The following IL17RE variants were observed in gnomAD, a reference collection of about 807,000 sequenced individuals.
IL17RE encodes interleukin-17 receptor E.
IL17RE carries 47 observed loss-of-function variants against 70.7 expected under a neutral mutation model. The ratio of observed to expected loss-of-function variants is 0.67; its 90% CI spans 0.53 to 0.85. The LOEUF (loss-of-function observed/expected upper bound fraction) is 0.85. IL17RE is among the 40% of genes least tolerant of loss of function. IL17RE has a pLI of 0.00. For synonymous variants in IL17RE, 372 were observed against 381.2 expected, an observed-to-expected ratio of 0.98 and a Z score of 0.28; for missense variants, 850 against 893.9, an observed-to-expected ratio of 0.95 and a Z score of 0.63.
At chr3:9,911,639 G>A (rs1430694178) in intron 12 of IL17RE, 42 bp downstream of exon 12, 2 of 1,570,974 alleles carry the variant, frequency 1.3e-6, no homozygotes, top group East Asian at 2.3e-5. Flanking sequence ...TCAGAGCACA[G>A]CCCTCAATTT....
chr3:9,904,222 G>A, intron 3 of IL17RE, 71 bp downstream of exon 3: 2 of 1,564,506 alleles, frequency 1.3e-6, no homozygotes, highest in East Asian at 2.3e-5. Context: ...GGCTGAGCAA[G>A]TGGGACTTAC....
Position 9,902,891 on chromosome 3 carries a change from C to T in IL17RE, c.-42C>T. 1 of 1,614,052 alleles carries T rather than the reference C, an allele frequency of 6.2e-7. No homozygotes were observed. The highest frequency in any genetic ancestry group is 8.5e-7 in the Non-Finnish European group (1 of 1,179,966). Reference sequence around the variant, plus strand: ...CAAGGCCCTGCCACCCACCTTCAGGCCATGCAGCCATGTTCCGGGAGCCCT... The same window carrying T: ...CAAGGCCCTGCCACCCACCTTCAGGTCATGCAGCCATGTTCCGGGAGCCCT... On this transcript the variant is annotated 5_prime_UTR_variant, in exon 1 of 16. Coordinates refer to ENST00000383814, the MANE Select transcript of IL17RE (RefSeq NM_153480.2).
intron 12 of IL17RE, chr3:9,911,870 C>G (rs1297726810): frequency 3.2e-6 from 1 of 312,578 alleles, no homozygotes; most frequent in Middle Eastern, 9.6e-4. Context: ...GGCGCGATCT[C>G]GGCTCACTGC....
rs2082967727 is a variant in IL17RE, at chr3:9,914,563, G to A, written c.1312G>A (p.Val438Ile). Residue 438 changes from valine to isoleucine, a missense_variant, in exon 14 of 16, where the codon GTC (valine) becomes ATC (isoleucine). Val to Ile is a conservative substitution (Grantham distance 29). Coordinates refer to ENST00000383814, the MANE Select transcript of IL17RE (RefSeq NM_153480.2). ...GTGCCCTCAGGTGTGGCGGTCAGAT[G>A]TCCAGTTTGCCTGGAAGCACCTCTT... Reference protein sequence around the residue: ...GCCVLVWRSDVQFAWKHLLCP... With the variant: ...GCCVLVWRSDIQFAWKHLLCP... 1 of 1,613,984 alleles carries A rather than the reference G, an allele frequency of 6.2e-7. No individual in the cohort carries two copies. Among genetic ancestry groups the A allele is most frequent in the Non-Finnish European group, 8.5e-7 (1 of 1,179,926 alleles).
intron 8 of IL17RE, chr3:9,909,503 A>C (rs1219187747): frequency 6.9e-6 from 4 of 576,866 alleles, no homozygotes; most frequent in African/African-American, 3.8e-5. Context: ...ATCGCTGAGC[A>C]CCGCAGTACT....
At chr3:9,904,769 A>G (rs1382886354) in intron 3 of IL17RE, among the ~76,000 whole-genome samples, 1 of 151,762 alleles carries the variant, frequency 6.6e-6, no homozygotes, top group Non-Finnish European at 1.5e-5. Context: ...CCTGGGCGAC[A>G]AGAGCAAAAC....
intron 14 of IL17RE, 38 bp downstream of exon 14, chr3:9,914,637 G>C: frequency 6.2e-7 from 1 of 1,612,992 alleles, no homozygotes; most frequent in Non-Finnish European, 8.5e-7. Context: ...AGGGAGGCTG[G>C]GCACTGAGGA....
upstream of IL17RE, chr3:9,902,510 C>G (rs1559264628): frequency 2.1e-6 from 2 of 974,832 alleles, no homozygotes; most frequent in East Asian, 2.6e-5. Context: ...GGCTAATTCT[C>G]TAAGTGAGGG....
Position 9,914,773 on chromosome 3 carries a change from G to T in IL17RE, c.1443G>T (p.Gln481His), listed in dbSNP as rs1313618907. Residue 481 changes from glutamine to histidine, a missense_variant, in exon 15 of 16, where the codon CAG (glutamine) becomes CAT (histidine). Coordinates refer to ENST00000383814, the MANE Select transcript of IL17RE (RefSeq NM_153480.2). ...TGGCCCTCACCTGCCGGCGCCCACAGTCAGGTAAGCTCACCTGGGGTAACC... is the reference window on the plus strand; with the variant it reads ...TGGCCCTCACCTGCCGGCGCCCACATTCAGGTAAGCTCACCTGGGGTAACC... Reference protein sequence around the residue: ...VVLALTCRRPQSGPGPARPVL... With the variant: ...VVLALTCRRPHSGPGPARPVL... 1 of 1,613,402 alleles carries T rather than the reference G, an allele frequency of 6.2e-7. No individual in the cohort carries two copies. Among genetic ancestry groups the T allele is most frequent in the Non-Finnish European group, 8.5e-7 (1 of 1,179,914 alleles).
intron 8 of IL17RE, 72 bp from the exon 9 acceptor site, chr3:9,910,793 C>A: frequency 1.4e-6 from 2 of 1,386,504 alleles, no homozygotes; most frequent in Admixed American, 1.9e-5. Context: ...TCCAGCTGCC[C>A]CCAGGATGTG....
Position 9,902,971 on chromosome 3 carries a change from C to G in IL17RE, c.39C>G (p.Leu13=). 2 of 1,614,214 alleles carry G rather than the reference C, an allele frequency of 1.2e-6. No homozygotes were observed. Among genetic ancestry groups the G allele is most frequent in the Non-Finnish European group, 1.7e-6 (2 of 1,179,994 alleles). ...SSRLAALLLP[L]LLIVIDLSDS... ...GACTGGCAGCCCTGCTCCTGCCTCTCCTCCTCATAGTCATCGACCTCTCTG... is the reference window on the plus strand; with the variant it reads ...GACTGGCAGCCCTGCTCCTGCCTCTGCTCCTCATAGTCATCGACCTCTCTG... The change falls in exon 1 of 16, where the codon CTC becomes CTG. Residue 13 remains leucine (L), a synonymous_variant. Transcript: ENST00000383814.
chr3:9,904,495 A>C (rs2082707302), intron 3 of IL17RE, among the ~76,000 whole-genome samples: 1 of 152,188 alleles, frequency 6.6e-6, no homozygotes, highest in Non-Finnish European at 1.5e-5. Context: ...AAGAATTGGC[A>C]GTTTCTAGGC....
At chr3:9,902,095 G>GGGA (rs2082656749), upstream of IL17RE, among the ~76,000 whole-genome samples, 1 of 152,084 alleles carries the variant, frequency 6.6e-6, no homozygotes. Flanking sequence ...CTCCATGAAG[G>GGGA]GGAGGAAGCT....
intron 12 of IL17RE, among the ~76,000 whole-genome samples, chr3:9,913,209 A>G (rs2082933945): frequency 6.6e-6 from 1 of 152,106 alleles, no homozygotes. Context: ...GTTTGAGACC[A>G]GCCTCACCAA....
chr3:9,914,475 C>T (rs1393881781), intron 13 of IL17RE, 73 bp from the exon 14 acceptor site: 9 of 1,597,600 alleles, frequency 5.6e-6, no homozygotes, highest in South Asian at 1.1e-5. Flanking sequence ...TCTCCCCCAG[C>T]TCCATGCTTC....
In IL17RE at chr3:9,915,692, C is replaced by A; in HGVS notation, c.1889C>A (p.Pro630His). Residue 630 changes from proline to histidine, a missense_variant, in exon 16 of 16, where the codon CCT becomes CAT. By Grantham distance (77) the Pro-to-His change is moderately conservative. Transcript: ENST00000383814. The surrounding 1 kb of genome is among the most constrained non-coding windows in gnomAD (Gnocchi z 4.9). Reference protein sequence around the residue: ...PRLLRALDARPFAEATSWGRL... With the variant: ...PRLLRALDARHFAEATSWGRL... ...CTGCTGCGGGCGCTGGACGCGCGGCCTTTCGCAGAGGCCACCAGCTGGGGC... is the reference window on the plus strand; with the variant it reads ...CTGCTGCGGGCGCTGGACGCGCGGCATTTCGCAGAGGCCACCAGCTGGGGC... 1 of 1,391,544 alleles carries A rather than the reference C, an allele frequency of 7.2e-7. No homozygotes were observed. Among genetic ancestry groups the A allele is most frequent in the Non-Finnish European group, 9.2e-7 (1 of 1,082,388 alleles). The allele number at this position is 1,391,544 out of a possible 1,614,324, so 86.2% of individuals were successfully genotyped here.
intron 8 of IL17RE, 116 bp downstream of exon 8, chr3:9,909,399 G>A: frequency 1.0e-6 from 1 of 971,876 alleles, no homozygotes. Context: ...ATGTGCTGGG[G>A]GAAGTCCCCA....
chr3:9,903,190 C>A, intron 1 of IL17RE, 126 bp downstream of exon 1: 1 of 1,016,928 alleles, frequency 9.8e-7, no homozygotes, highest in South Asian at 1.5e-5. Context: ...TGTCCTCTAC[C>A]TAGTCTCAAA....
Position 9,915,419 on chromosome 3 carries a change from C to T in IL17RE, c.1616C>T (p.Pro539Leu). ...CACGTGGCGCGCGTGGGCCCGCTGC[C>T]GTGGCTCTGGGCGGCGCGGACGCGC... ...GRHVARVGPL[P>L]WLWAARTRVA... The change falls in exon 16 of 16, where the codon CCG becomes CTG. Residue 539 changes from proline to leucine, a missense_variant. Physicochemically the swap from Pro to Leu is moderately conservative, Grantham distance 98 (BLOSUM62 -3). Coordinates refer to ENST00000383814, the MANE Select transcript of IL17RE (RefSeq NM_153480.2). This position sits in a 1 kb window ranked among gnomAD's most constrained non-coding sequence, Gnocchi z 4.9. 1.5e-6 allele frequency: 2 copies of T among 1,360,984 alleles called. No homozygotes were observed. Among genetic ancestry groups the T allele is most frequent in the Non-Finnish European group, 1.9e-6 (2 of 1,066,218 alleles). 84.3% of individuals were successfully genotyped at this position (1,360,984 alleles called of 1,614,324 possible). A position where few individuals can be genotyped will look rare whatever the true frequency, so the allele number is the denominator to read the frequency against.
Sources: allele counts gnomAD v4.1 joint callset (sites outside exome capture counted in the v4.1 genomes callset), GRCh38; gene constraint gnomAD v4.1.1; non-coding constraint Gnocchi (gnomAD v3.1); transcripts MANE v1.5; gene names NCBI Gene and HGNC (gene_info 2026-07-23, HGNC 2026-07-21).